The following DNER variants were observed in gnomAD, a reference collection of about 807,000 sequenced individuals.
DNER encodes delta/notch like EGF repeat containing.
DNER carries 33 observed loss-of-function variants against 78.2 expected under a neutral mutation model. That is an observed-to-expected ratio of 0.42 (90% CI 0.32 to 0.56). The LOEUF is 0.56. DNER is among the 20% of genes least tolerant of loss of function. The pLI is 0.11. For synonymous variants in DNER, 417 were observed against 384.8 expected, an observed-to-expected ratio of 1.08 and a Z score of -0.98; for missense variants, 918 against 975.3, an observed-to-expected ratio of 0.94 and a Z score of 0.78.
chr2:229,623,648 T>C (rs957183348), intron 1 of DNER, among the ~76,000 whole-genome samples: 1 of 152,194 alleles, frequency 6.6e-6, no homozygotes, highest in Non-Finnish European at 1.5e-5. Context: ...TGATCGCTAC[T>C]GCAGACTACA....
chr2:229,459,661 C>T (rs1694648983), intron 7 of DNER, among the ~76,000 whole-genome samples: 1 of 152,036 alleles, frequency 6.6e-6, no homozygotes, highest in Non-Finnish European at 1.5e-5. Flanking sequence ...CAAATCTGTG[C>T]TCTTAAGCCC....
chr2:229,477,446 T>C (rs1013609759), intron 6 of DNER, among the ~76,000 whole-genome samples, 193 bp from the exon 7 acceptor site: 6 of 152,206 alleles, frequency 3.9e-5, no homozygotes, highest in African/African-American at 1.4e-4. Flanking sequence ...TTTAGAGTCA[T>C]AGTTCAAAAA....
intron 9 of DNER, among the ~76,000 whole-genome samples, chr2:229,415,223 A>C (rs1263063403): frequency 1.3e-5 from 2 of 152,102 alleles, no homozygotes; most frequent in East Asian, 3.9e-4. Flanking sequence ...GGTCTCTGTC[A>C]TAGTTGCTAG....
In DNER at chr2:229,546,943, T is replaced by C; in HGVS notation, c.993+4A>G. The stretch of plus-strand genomic sequence containing the variant: ...TATTTACAAGCTACCAGGCATCCCC[T>C]TACCTCTGACGGCTTCGTGGTGCAT... On this transcript the variant is annotated splice_donor_region_variant and intron_variant, in intron 5 of 12. Coordinates refer to ENST00000341772, the MANE Select transcript of DNER (RefSeq NM_139072.4). 6.2e-7 allele frequency: 1 copy of C among 1,614,112 alleles called. No homozygotes were observed.
chr2:229,656,101 C>T (rs1698906972), intron 1 of DNER, among the ~76,000 whole-genome samples: 2 of 152,088 alleles, frequency 1.3e-5, no homozygotes, highest in Admixed American at 6.5e-5. Flanking sequence ...AGCCACCCAG[C>T]GTGTGATAAT....
At chr2:229,448,383 G>A (rs1325175587) in intron 7 of DNER, among the ~76,000 whole-genome samples, 1 of 152,222 alleles carries the variant, frequency 6.6e-6, no homozygotes, top group African/African-American at 2.4e-5. Flanking sequence ...GGAGTTCACT[G>A]CAAATGGACA....
rs80067123 is a variant in DNER, at chr2:229,619,905, G to A, written c.277-28017C>T. On this transcript the variant is annotated intron_variant, in intron 1 of 12. Coordinates refer to ENST00000341772, the MANE Select transcript of DNER (RefSeq NM_139072.4). ...TCTATTATTTCGTCTCTCACCCCACGGGTCATTCTCCACCTGCACTACTAT... is the reference window on the plus strand; with the variant it reads ...TCTATTATTTCGTCTCTCACCCCACAGGTCATTCTCCACCTGCACTACTAT... Among the ~76,000 whole-genome samples, 1,424 of 152,152 alleles carry A rather than the reference G, an allele frequency of 9.4e-3. 21 individuals carry two copies. Among genetic ancestry groups the A allele is most frequent in the African/African-American group, 0.033 (1,365 of 41,492 alleles).
At chr2:229,365,885 T>C (rs1692335395) in intron 12 of DNER, among the ~76,000 whole-genome samples, 1 of 152,254 alleles carries the variant, frequency 6.6e-6, no homozygotes, top group African/African-American at 2.4e-5. Context: ...GTGCTTGAGA[T>C]TATTCAATTA....
rs1667088108 is a variant in DNER, at chr2:229,585,909, C to T, written c.796G>A (p.Gly266Arg). The change falls in exon 4 of 13, where the codon GGA becomes AGA. Residue 266 changes from glycine (G) to arginine (R), a missense_variant. Coordinates refer to ENST00000341772, the MANE Select transcript of DNER (RefSeq NM_139072.4). The part of the protein sequence containing the change: ...RSVTPLQASG[G>R]LVLLEEMLAL... Reference sequence around the variant, plus strand: ...AGCATCTCCTCCAGGAGGACCAGTCCCCCTGAAGCCTGAAGGGGGGTCACA... The same window carrying T: ...AGCATCTCCTCCAGGAGGACCAGTCTCCCTGAAGCCTGAAGGGGGGTCACA... 1 of 1,614,030 alleles carries T rather than the reference C, an allele frequency of 6.2e-7. No individual in the cohort carries two copies. Among genetic ancestry groups the T allele is most frequent in the Admixed American group, 1.7e-5 (1 of 60,016 alleles).
chr2:229,372,055 G>T (rs1692494349), intron 11 of DNER, among the ~76,000 whole-genome samples: 1 of 152,186 alleles, frequency 6.6e-6, no homozygotes, highest in African/African-American at 2.4e-5. Flanking sequence ...AGGAATGAAT[G>T]CGAAAAGGGA....
intron 5 of DNER, among the ~76,000 whole-genome samples, chr2:229,543,517 T>A (rs1490029109): frequency 6.6e-6 from 1 of 152,216 alleles, no homozygotes; most frequent in African/African-American, 2.4e-5. Context: ...ACTTTATCAA[T>A]CAAAAATTCT....
At chr2:229,542,599 G>T (rs1368540171) in intron 5 of DNER, among the ~76,000 whole-genome samples, 1 of 152,066 alleles carries the variant, frequency 6.6e-6, no homozygotes, top group African/African-American at 2.4e-5. Context: ...TTTGTTTTGT[G>T]CTATGGAGTG....
chr2:229,560,305 T>G (rs1203409156), intron 4 of DNER, among the ~76,000 whole-genome samples: 2 of 152,176 alleles, frequency 1.3e-5, no homozygotes, highest in Non-Finnish European at 2.9e-5. Context: ...CCATAAATAT[T>G]TGAGCAGTAC....
At chr2:229,706,943 G>T (rs1055071913) in intron 1 of DNER, among the ~76,000 whole-genome samples, 1 of 152,194 alleles carries the variant, frequency 6.6e-6, no homozygotes, top group Non-Finnish European at 1.5e-5. Context: ...TTAGTTGGTA[G>T]AAAGAATGGG....
At position 229,504,194 on chromosome 2, in the gene DNER, T is replaced by G. The variant is rs145930932; in HGVS notation, c.1147+8589A>C. ...CTGTGTATCTCTTCATCTATACCCT[T>G]TGTAATATCCTTTATTTACTTATTT... On this transcript the variant is annotated intron_variant, in intron 6 of 12. Transcript: ENST00000341772. Among the ~76,000 whole-genome samples, 31 of 152,252 alleles carry G rather than the reference T, an allele frequency of 2.0e-4. No homozygotes were observed. The East Asian group carries it at 6.0e-3, about 29-fold the overall frequency.
intron 5 of DNER, among the ~76,000 whole-genome samples, chr2:229,526,079 A>G (rs1696202545): frequency 6.6e-6 from 1 of 152,224 alleles, no homozygotes; most frequent in African/African-American, 2.4e-5. Context: ...GAATCATTTT[A>G]ATAGGGGTCT....
intron 1 of DNER, among the ~76,000 whole-genome samples, chr2:229,624,181 A>G (rs1242604344): frequency 6.6e-6 from 1 of 152,262 alleles, no homozygotes; most frequent in Non-Finnish European, 1.5e-5. Flanking sequence ...TGCTAAAGAG[A>G]TGCATCAGGA....
intron 1 of DNER, among the ~76,000 whole-genome samples, chr2:229,681,275 A>G (rs1311801916): frequency 1.3e-5 from 2 of 152,210 alleles, no homozygotes; most frequent in African/African-American, 4.8e-5. Flanking sequence ...AAGGACATGG[A>G]ATGCTTGAGA....
At chr2:229,606,940 G>C (rs1359543250) in intron 1 of DNER, among the ~76,000 whole-genome samples, 1 of 152,038 alleles carries the variant, frequency 6.6e-6, no homozygotes, top group African/African-American at 2.4e-5. Context: ...ACGTGTTTAG[G>C]ATCAGTACAG....
Sources: gnomAD v4.1 joint callset for allele counts (sites outside exome capture counted in the v4.1 genomes callset) on GRCh38, gnomAD v4.1.1 for gene constraint, MANE v1.5 for transcripts, NCBI Gene and HGNC (gene_info 2026-07-23, HGNC 2026-07-21) for gene names.